The following MIR2052HG variants were observed in gnomAD, a reference collection of about 807,000 sequenced individuals.
MIR2052HG encodes the protein MIR2052 host gene.
chr8:74,679,336 C>A (rs923088642), intron 2 of MIR2052HG, among the ~76,000 whole-genome samples: 1 of 152,046 alleles, frequency 6.6e-6, no homozygotes, highest in Non-Finnish European at 1.5e-5. Context: ...TAAGTGACAA[C>A]ACATGATATT....
chr8:74,699,486 G>A (rs907495569), intron 2 of MIR2052HG, among the ~76,000 whole-genome samples: 1 of 151,410 alleles, frequency 6.6e-6, no homozygotes, highest in Non-Finnish European at 1.5e-5. Flanking sequence ...AATGGCATTC[G>A]CAGCAACCTG....
intron 2 of MIR2052HG, among the ~76,000 whole-genome samples, chr8:74,651,745 G>A (rs1808755218): frequency 6.6e-6 from 1 of 152,112 alleles, no homozygotes; most frequent in Non-Finnish European, 1.5e-5. Flanking sequence ...GCATTTGTTA[G>A]TGGCCCACAT....
chr8:74,744,986 C>T (rs996205282), intron 4 of MIR2052HG, among the ~76,000 whole-genome samples: 2 of 151,938 alleles, frequency 1.3e-5, no homozygotes, highest in African/African-American at 2.4e-5. Context: ...TTACAAGGTC[C>T]GGGTGTGGTG....
At chr8:74,656,326 G>C (rs1808805920) in intron 2 of MIR2052HG, among the ~76,000 whole-genome samples, 1 of 152,094 alleles carries the variant, frequency 6.6e-6, no homozygotes, top group Admixed American at 6.6e-5. Context: ...TAATTACATA[G>C]TTTGGCTGTG....
intron 1 of MIR2052HG, chr8:74,604,284 A>T: frequency 1.4e-6 from 1 of 732,636 alleles, no homozygotes; most frequent in South Asian, 1.4e-5. Flanking sequence ...TGAGTGGTCA[A>T]GTCTTTGGTC....
chr8:74,608,940 C>T (rs1808152046), intron 1 of MIR2052HG, among the ~76,000 whole-genome samples: 1 of 151,592 alleles, frequency 6.6e-6, no homozygotes, highest in Admixed American at 6.6e-5. Flanking sequence ...TGTTACAGAA[C>T]ATAATAATAA....
At chr8:74,667,390 A>G (rs1808941812) in intron 2 of MIR2052HG, among the ~76,000 whole-genome samples, 1 of 152,176 alleles carries the variant, frequency 6.6e-6, no homozygotes, top group South Asian at 2.1e-4. Context: ...TAGCATAAAA[A>G]CACATCTCTT....
intron 2 of MIR2052HG, among the ~76,000 whole-genome samples, chr8:74,647,816 A>G (rs995382789): frequency 2.6e-5 from 4 of 152,196 alleles, no homozygotes; most frequent in Non-Finnish European, 5.9e-5. Flanking sequence ...CTTTACTGCA[A>G]TCTCTGAACA....
chr8:74,699,086 A>C (rs2128740649), intron 2 of MIR2052HG, among the ~76,000 whole-genome samples: 1 of 152,184 alleles, frequency 6.6e-6, no homozygotes, highest in East Asian at 1.9e-4. Flanking sequence ...AAGAATGGCC[A>C]TAATCAAAAA....
chr8:74,666,713 A>G (rs1377038847), intron 2 of MIR2052HG, among the ~76,000 whole-genome samples: 1 of 152,244 alleles, frequency 6.6e-6, no homozygotes, highest in Non-Finnish European at 1.5e-5. Context: ...TCGAATTACC[A>G]TCCATGAAAA....
At chr8:74,609,477 A>G (rs994148394) in intron 1 of MIR2052HG, among the ~76,000 whole-genome samples, 1 of 151,966 alleles carries the variant, frequency 6.6e-6, no homozygotes, top group African/African-American at 2.4e-5. Flanking sequence ...CCAAAACCAG[A>G]CAAAGATATT....
chr8:74,751,502 G>T (rs771683749), intron 4 of MIR2052HG, among the ~76,000 whole-genome samples: 4 of 152,182 alleles, frequency 2.6e-5, no homozygotes, highest in African/African-American at 4.8e-5. Context: ...ACAAGTTTAC[G>T]TATTAATTGG....
chr8:74,653,043 T>C (rs942704841), intron 2 of MIR2052HG, among the ~76,000 whole-genome samples: 8 of 152,228 alleles, frequency 5.3e-5, no homozygotes, highest in East Asian at 1.9e-4. Context: ...TCTCTTTAGC[T>C]ATACCTAAAC....
intron 2 of MIR2052HG, among the ~76,000 whole-genome samples, chr8:74,623,060 A>G (rs1586893792): frequency 6.6e-6 from 1 of 152,202 alleles, no homozygotes; most frequent in East Asian, 1.9e-4. Context: ...GAATAAGTTC[A>G]AGAGATCTGT....
intron 4 of MIR2052HG, among the ~76,000 whole-genome samples, chr8:74,748,026 C>T (rs1315687617): frequency 6.6e-6 from 1 of 152,130 alleles, no homozygotes; most frequent in Non-Finnish European, 1.5e-5. Context: ...ATTGTCAAAG[C>T]CCACTTCTGT....
At chr8:74,618,638 T>G (rs895787514) in intron 2 of MIR2052HG, among the ~76,000 whole-genome samples, 1 of 152,158 alleles carries the variant, frequency 6.6e-6, no homozygotes, top group Non-Finnish European at 1.5e-5. Context: ...ATAGAAGAAA[T>G]GTACCAAAAC....
chr8:74,669,979 A>G (rs1020189150), intron 2 of MIR2052HG, among the ~76,000 whole-genome samples: 2 of 152,164 alleles, frequency 1.3e-5, no homozygotes, highest in Non-Finnish European at 2.9e-5. Flanking sequence ...ATGAGGTCTT[A>G]AATGTGAGGA....
intron 4 of MIR2052HG, among the ~76,000 whole-genome samples, chr8:74,716,983 T>C (rs755916216): frequency 1.3e-5 from 2 of 152,202 alleles, no homozygotes; most frequent in Non-Finnish European, 2.9e-5. Context: ...ACACATTCTT[T>C]ATTTTTTTAA....
chr8:74,612,892 CT>C (rs1310167780), exon 2 of MIR2052HG: 2 of 456,096 alleles, frequency 4.4e-6, no homozygotes, highest in African/African-American at 4.0e-5. Flanking sequence ...AAGGTGGCAG[CT>C]TTGGAGCAAG....
Sources: gnomAD v4.1 joint callset for allele counts (sites outside exome capture counted in the v4.1 genomes callset) on GRCh38, gnomAD v4.1.1 for gene constraint, MANE v1.5 for transcripts, NCBI Gene and HGNC (gene_info 2026-07-23, HGNC 2026-07-21) for gene names.